The following CEP112 variants were observed in gnomAD, a reference collection of about 807,000 sequenced individuals.
The protein encoded by CEP112 is centrosomal protein of 112 kDa.
Under a neutral mutation model 153.0 loss-of-function variants are expected in CEP112, and 127 were observed. The observed-to-expected ratio is 0.83, with a 90% CI of 0.72 to 0.96. The LOEUF is 0.96. Ranked by LOEUF, CEP112 falls within the 40% of genes least tolerant of loss-of-function variation. CEP112 has a pLI of 0.00. For missense variants in CEP112, 1,089 were observed against 1,101.2 expected (o/e 0.99, Z 0.16); for synonymous variants, 358 against 374.4 (o/e 0.96, Z 0.51).
chr17:65,961,213 C>T (rs766542279), intron 18 of CEP112, among the ~76,000 whole-genome samples: 2 of 152,180 alleles, frequency 1.3e-5, no homozygotes, highest in Non-Finnish European at 2.9e-5. Flanking sequence ...ATCTATCCTT[C>T]CAAAGCAAGG....
chr17:66,084,509 A>G (rs2067841891), intron 8 of CEP112, among the ~76,000 whole-genome samples: 1 of 152,202 alleles, frequency 6.6e-6, no homozygotes, highest in African/African-American at 2.4e-5. Flanking sequence ...GTCATTTCCA[A>G]CAACATGGAT....
chr17:65,958,318 TCAC>T (rs1201960271), intron 18 of CEP112, among the ~76,000 whole-genome samples: 7 of 152,240 alleles, frequency 4.6e-5, no homozygotes, highest in Admixed American at 3.3e-4. Context: ...TAAAATGGAA[TCAC>T]CACTTTTTTT....
intron 18 of CEP112, among the ~76,000 whole-genome samples, chr17:65,937,452 G>C (rs528559430): frequency 1.9e-5 from 2 of 107,808 alleles, no homozygotes; most frequent in Admixed American, 1.2e-4. Context: ...GGTGAGGAGC[G>C]TCTCTGCCCG....
chr17:65,716,019 C>T (rs1053800748), intron 23 of CEP112, among the ~76,000 whole-genome samples: 1 of 152,046 alleles, frequency 6.6e-6, no homozygotes, highest in African/African-American at 2.4e-5. Context: ...TGTAAATAAA[C>T]AAATCAATTT....
At chr17:65,919,093 A>G (rs1173096645) in intron 19 of CEP112, among the ~76,000 whole-genome samples, 1 of 152,038 alleles carries the variant, frequency 6.6e-6, no homozygotes, top group East Asian at 1.9e-4. Context: ...AATGAATAGC[A>G]CCCCCCTGGG....
rs534279215 is a variant in CEP112 at position 66,110,918 on chromosome 17, G to A, written c.643-14286C>T. ...TGCACAGCAAAAGAAACTATCAAGAGAGTAAACAGACAACCTACAGAATGG... is the reference window on the plus strand; with the variant it reads ...TGCACAGCAAAAGAAACTATCAAGAAAGTAAACAGACAACCTACAGAATGG... On this transcript the variant is annotated intron_variant, in intron 6 of 26. Transcript: ENST00000535342. 3.1e-4 allele frequency among the ~76,000 whole-genome samples: 47 copies of A among 152,244 alleles called. 2 individuals are homozygous for A. In the South Asian group the frequency reaches 9.1e-3, roughly 30 times the overall value.
At chr17:66,065,693 G>A (rs148082900) in intron 10 of CEP112, among the ~76,000 whole-genome samples, 2,985 of 150,116 alleles carry the variant, frequency 0.02, 110 homozygotes, top group African/African-American at 0.07. Context: ...GCAGTGGCAC[G>A]GTCTCGGCTC....
intron 8 of CEP112, among the ~76,000 whole-genome samples, chr17:66,092,928 CTG>C (rs2068199594): frequency 2.6e-5 from 4 of 152,146 alleles, no homozygotes; most frequent in Admixed American, 2.6e-4. Flanking sequence ...CAGTGAAAAA[CTG>C]AAAGCTTTTC....
chr17:66,136,627 C>A (rs8078801), intron 4 of CEP112, among the ~76,000 whole-genome samples: 1 of 151,884 alleles, frequency 6.6e-6, no homozygotes, highest in African/African-American at 2.4e-5. Flanking sequence ...ACTGGTGGGA[C>A]GCAGCATAAA....
At chr17:66,057,673 G>A (rs536276345) in intron 11 of CEP112, among the ~76,000 whole-genome samples, 6 of 152,016 alleles carry the variant, frequency 3.9e-5, no homozygotes, top group East Asian at 1.9e-4. Context: ...ATAACAAAGT[G>A]TATCTAACAT....
chr17:65,838,179 C>T (rs1380127195), intron 21 of CEP112, among the ~76,000 whole-genome samples: 1 of 152,046 alleles, frequency 6.6e-6, no homozygotes, highest in Non-Finnish European at 1.5e-5. Flanking sequence ...AATTTTCCAC[C>T]CAACTGCTGC....
intron 20 of CEP112, among the ~76,000 whole-genome samples, chr17:65,855,697 C>T (rs1459079698): frequency 2.0e-5 from 3 of 152,092 alleles, no homozygotes; most frequent in Admixed American, 2.0e-4. Flanking sequence ...AAAACTACTA[C>T]CAAAAAGAGA....
chr17:66,053,529 A>AG (rs2066537622), intron 12 of CEP112, among the ~76,000 whole-genome samples: 1 of 152,188 alleles, frequency 6.6e-6, no homozygotes, highest in African/African-American at 2.4e-5. Flanking sequence ...AATAAAAAGC[A>AG]GCATTAAACA....
chr17:65,949,333 A>G (rs8066304), intron 18 of CEP112, among the ~76,000 whole-genome samples: 9,850 of 152,270 alleles, frequency 0.065, 464 homozygotes, highest in African/African-American at 0.12. Context: ...GCAAAACTAC[A>G]TATAATTGAA....
chr17:65,664,321 G>A (rs1194581616), intron 24 of CEP112, among the ~76,000 whole-genome samples: 1 of 152,198 alleles, frequency 6.6e-6, no homozygotes, highest in Admixed American at 6.5e-5. Context: ...ACTTGGCTGA[G>A]GGCTTGACAG....
intron 8 of CEP112, among the ~76,000 whole-genome samples, chr17:66,085,979 C>CA (rs373315539): frequency 0.82 from 90,726 of 110,094 alleles, 37,342 homozygotes; most frequent in East Asian, 0.9. Flanking sequence ...GACTCCGTCT[C>CA]AAAAAAAAAA....
At chr17:65,821,824 T>A (rs2146019978) in intron 21 of CEP112, among the ~76,000 whole-genome samples, 1 of 151,540 alleles carries the variant, frequency 6.6e-6, no homozygotes, top group African/African-American at 2.4e-5. Context: ...AGTGCTGGGA[T>A]TACAGGCATG....
intron 8 of CEP112, among the ~76,000 whole-genome samples, chr17:66,092,044 CTT>C (rs71293589): frequency 5.6e-5 from 8 of 141,598 alleles, no homozygotes; most frequent in African/African-American, 7.8e-5. Flanking sequence ...TATGTATTTA[CTT>C]TTTTTTTTTT....
At chr17:66,167,836 A>G (rs1007117643) in intron 4 of CEP112, among the ~76,000 whole-genome samples, 3 of 152,168 alleles carry the variant, frequency 2.0e-5, no homozygotes, top group Admixed American at 2.0e-4. Flanking sequence ...TCACTGGACT[A>G]TAGAGAGGAT....
Sources: gnomAD v4.1 joint callset for allele counts (sites outside exome capture counted in the v4.1 genomes callset) on GRCh38, gnomAD v4.1.1 for gene constraint, MANE v1.5 for transcripts, NCBI Gene and HGNC (gene_info 2026-07-23, HGNC 2026-07-21) for gene names.